DCLK1: variants seen among roughly 807,000 people sequenced by gnomAD.
DCLK1 encodes serine/threonine-protein kinase DCLK1.
In DCLK1, 16 loss-of-function variants were observed where a neutral mutation model predicts 86.2. The ratio of observed to expected loss-of-function variants is 0.19; its 90% CI spans 0.13 to 0.28. The LOEUF is 0.28. Among genes scored for constraint, DCLK1 ranks in the 10% least tolerant of loss-of-function variants. The pLI is 1.00. For missense variants in DCLK1, 590 were observed against 940.2 expected (o/e 0.63, Z 4.87); for synonymous variants, 369 against 370.5 (o/e 1.00, Z 0.05).
At chr13:36,086,966 A>G (rs1313093423) in intron 3 of DCLK1, among the ~76,000 whole-genome samples, 1 of 152,202 alleles carries the variant, frequency 6.6e-6, no homozygotes, top group Non-Finnish European at 1.5e-5. Flanking sequence ...AATGATTTAT[A>G]ATCCTTTGGG....
At chr13:35,901,169 A>T (rs566405905) in intron 4 of DCLK1, among the ~76,000 whole-genome samples, 1 of 152,248 alleles carries the variant, frequency 6.6e-6, no homozygotes, top group African/African-American at 2.4e-5. Flanking sequence ...ACTGAAAGAT[A>T]AAACAGAGGA....
chr13:36,070,763 T>C (rs1021214462), intron 3 of DCLK1, among the ~76,000 whole-genome samples: 10 of 152,120 alleles, frequency 6.6e-5, no homozygotes, highest in African/African-American at 2.4e-4. Context: ...TGCCTCAGCC[T>C]CCTGAGTAGC....
intron 3 of DCLK1, among the ~76,000 whole-genome samples, chr13:35,963,312 G>A (rs769702818): frequency 5.3e-5 from 8 of 152,168 alleles, no homozygotes; most frequent in Non-Finnish European, 1.2e-4. Context: ...AAAACCAAAT[G>A]CATCAGGAGC....
chr13:35,918,888 G>GTA (rs1875597802), intron 4 of DCLK1, among the ~76,000 whole-genome samples: 1 of 17,818 alleles, frequency 5.6e-5, no homozygotes, highest in Non-Finnish European at 1.6e-4. Flanking sequence ...TTCCTTCTGA[G>GTA]TGTGTTTTTT....
chr13:36,045,678 C>T (rs1333838258), intron 3 of DCLK1, among the ~76,000 whole-genome samples: 1 of 151,594 alleles, frequency 6.6e-6, no homozygotes, highest in Non-Finnish European at 1.5e-5. Flanking sequence ...GTGGTAAAAC[C>T]CCATATCCAC....
At chr13:36,056,760 G>A (rs1883334419) in intron 3 of DCLK1, among the ~76,000 whole-genome samples, 1 of 150,336 alleles carries the variant, frequency 6.7e-6, no homozygotes, top group Non-Finnish European at 1.5e-5. Context: ...ATTCTCCGTG[G>A]TGGCAGGTAC....
At chr13:35,879,935 T>C (rs1872790804) in intron 4 of DCLK1, among the ~76,000 whole-genome samples, 1 of 152,080 alleles carries the variant, frequency 6.6e-6, no homozygotes, top group Non-Finnish European at 1.5e-5. Context: ...CATTCCCAAA[T>C]GTCCTCTGAG....
chr13:35,899,344 T>C (rs1368805539), intron 4 of DCLK1, among the ~76,000 whole-genome samples: 1 of 90,078 alleles, frequency 1.1e-5, no homozygotes, highest in Non-Finnish European at 2.4e-5. Context: ...TACAAGTGTG[T>C]GTGTGTGTGT....
At chr13:36,018,510 T>G (rs951479074) in intron 3 of DCLK1, among the ~76,000 whole-genome samples, 5 of 152,178 alleles carry the variant, frequency 3.3e-5, no homozygotes, top group Non-Finnish European at 5.9e-5. Context: ...GTCTGACAAA[T>G]GTAGCATAAT....
chr13:35,856,440 C>T (rs566671490), intron 5 of DCLK1, among the ~76,000 whole-genome samples: 1 of 152,080 alleles, frequency 6.6e-6, no homozygotes, highest in African/African-American at 2.4e-5. Context: ...TTTTCTTTAC[C>T]CACCCGCATT....
intron 16 of DCLK1, among the ~76,000 whole-genome samples, chr13:35,785,271 A>G (rs927194728): frequency 3.3e-5 from 5 of 152,086 alleles, no homozygotes; most frequent in Non-Finnish European, 7.3e-5. Context: ...TTCACTTGGG[A>G]AGGTAGAAAT....
rs1158650954 is a variant in DCLK1 at position 35,792,779 on chromosome 13, T to C, written c.2058+587A>G. Among the ~76,000 whole-genome samples the C allele has an allele frequency of 2.0e-5, 3 of 152,206 alleles. No homozygotes were observed. In the East Asian group the frequency reaches 5.8e-4, roughly 29 times the overall value. The stretch of plus-strand genomic sequence containing the variant: ...TATAGAACAGAAAAGAAAGGCCTTG[T>C]GCAGACGCATCAATAAAATAGTAAA... On this transcript the variant is annotated intron_variant, in intron 16 of 16. Transcript: ENST00000360631.
chr13:36,033,413 A>G (rs1052848908), intron 3 of DCLK1, among the ~76,000 whole-genome samples: 22 of 152,134 alleles, frequency 1.4e-4, no homozygotes, highest in African/African-American at 5.3e-4. Flanking sequence ...AAATCGCATA[A>G]TATATAGGAG....
intron 16 of DCLK1, among the ~76,000 whole-genome samples, chr13:35,790,350 G>A (rs2086690232): frequency 6.6e-6 from 1 of 152,082 alleles, no homozygotes; most frequent in South Asian, 2.1e-4. Context: ...ATGAGCATTG[G>A]TGATCTCCAG....
chr13:35,806,206 C>T (rs532938312), intron 14 of DCLK1, among the ~76,000 whole-genome samples: 16 of 152,098 alleles, frequency 1.1e-4, no homozygotes, highest in African/African-American at 3.9e-4. Flanking sequence ...AAATTTCCCC[C>T]TAATTTCAAG....
At chr13:35,783,566 T>A (rs1411728714) in intron 16 of DCLK1, among the ~76,000 whole-genome samples, 1 of 152,176 alleles carries the variant, frequency 6.6e-6, no homozygotes, top group Admixed American at 6.5e-5. Flanking sequence ...AATCTTTAAT[T>A]AAGTTAATTG....
intron 10 of DCLK1, among the ~76,000 whole-genome samples, chr13:35,826,564 A>AGGGAGGGAGGGAGGG (rs1301930448): frequency 8.7e-5 from 4 of 46,032 alleles, no homozygotes; most frequent in Non-Finnish European, 1.7e-4. Flanking sequence ...AGAAAGAAAC[A>AGGGAGGGAGGGAGGG]AGTCCTAATT....
At chr13:35,974,194 C>A (rs1263264690) in intron 3 of DCLK1, among the ~76,000 whole-genome samples, 1 of 152,182 alleles carries the variant, frequency 6.6e-6, no homozygotes, top group Non-Finnish European at 1.5e-5. Flanking sequence ...ATTGAGCCCC[C>A]CTCAGATTCA....
intron 3 of DCLK1, among the ~76,000 whole-genome samples, chr13:35,950,814 G>GT (rs1877626933): frequency 6.6e-6 from 1 of 152,068 alleles, no homozygotes; most frequent in African/African-American, 2.4e-5. Flanking sequence ...GAGAGTTGAT[G>GT]TTGTCAGAGC....
Sources: allele counts gnomAD v4.1 joint callset (sites outside exome capture counted in the v4.1 genomes callset), GRCh38; gene constraint gnomAD v4.1.1; transcripts MANE v1.5; gene names NCBI Gene and HGNC (gene_info 2026-07-23, HGNC 2026-07-21).